Variants in ARHGEF10 observed in about 807,000 individuals in gnomAD.
The protein encoded by ARHGEF10 is Rho guanine nucleotide exchange factor 10.
In ARHGEF10, 140 loss-of-function variants were observed where a neutral mutation model predicts 147.4. The ratio of observed to expected loss-of-function variants is 0.95; its 90% confidence interval spans 0.83 to 1.09. ARHGEF10 has a LOEUF of 1.09. Among genes scored for constraint, ARHGEF10 ranks in the 50% least tolerant of loss-of-function variants. The pLI, the probability that ARHGEF10 is intolerant of heterozygous loss-of-function variation, is 0.00. For missense variants in ARHGEF10, 2,222 were observed against 1,752.7 expected, an observed-to-expected ratio of 1.27 and a Z score of -4.78; for synonymous variants, 902 against 695.8, an observed-to-expected ratio of 1.30 and a Z score of -4.67.
At chr8:1,875,381 C>T (rs1001777949) in intron 7 of ARHGEF10, among the ~76,000 whole-genome samples, 23 of 152,186 alleles carry the variant, frequency 1.5e-4, no homozygotes, top group African/African-American at 4.3e-4. Flanking sequence ...CTCTTGGGCA[C>T]GTGGGTAGGC....
chr8:1,866,452 C>A (rs36013833), intron 5 of ARHGEF10, 74 bp from the exon 6 acceptor site: 2 of 1,227,626 alleles, frequency 1.6e-6, no homozygotes, highest in Non-Finnish European at 1.2e-6. Context: ...CACACACACT[C>A]TGCAGGGCAG....
chr8:1,853,910 G>A (rs1304865371), intron 2 of ARHGEF10, among the ~76,000 whole-genome samples: 1 of 152,236 alleles, frequency 6.6e-6, no homozygotes, highest in African/African-American at 2.4e-5. Context: ...GGTTAGCCGA[G>A]CCTGCTCTAG....
At chr8:1,934,278 C>A (rs546348543) in intron 26 of ARHGEF10, among the ~76,000 whole-genome samples, 1 of 145,038 alleles carries the variant, frequency 6.9e-6, no homozygotes, top group African/African-American at 2.6e-5. Context: ...CACTTGAGCC[C>A]AGGAGGTCCA....
At chr8:1,914,453 G>T (rs1458547127) in intron 18 of ARHGEF10, among the ~76,000 whole-genome samples, 3 of 152,236 alleles carry the variant, frequency 2.0e-5, no homozygotes, top group African/African-American at 7.2e-5. Flanking sequence ...GGCCTCGCCT[G>T]TAGGCAGGGA....
chr8:1,889,290 T>A (rs1342510025), intron 11 of ARHGEF10, among the ~76,000 whole-genome samples: 1 of 83,868 alleles, frequency 1.2e-5, no homozygotes, highest in Non-Finnish European at 2.2e-5. Flanking sequence ...TGAGGGTTTG[T>A]GAGGAGATAC....
At chr8:1,828,406 CT>C (rs1563142826) in intron 1 of ARHGEF10, among the ~76,000 whole-genome samples, 23 of 151,934 alleles carry the variant, frequency 1.5e-4, no homozygotes, top group African/African-American at 5.3e-4. Flanking sequence ...TGCACACTTA[CT>C]GTTTTAAGGA....
At chr8:1,840,287 C>T (rs1282738391) in intron 1 of ARHGEF10, among the ~76,000 whole-genome samples, 2 of 115,422 alleles carry the variant, frequency 1.7e-5, no homozygotes, top group African/African-American at 7.3e-5. Flanking sequence ...GGGGACTGTC[C>T]TGTGTGGAAG....
chr8:1,845,294 C>A (rs906688336), intron 2 of ARHGEF10, among the ~76,000 whole-genome samples: 2 of 116,942 alleles, frequency 1.7e-5, no homozygotes, highest in African/African-American at 3.8e-5. Flanking sequence ...CCTCCAGGGG[C>A]CCCCTCCCGC....
chr8:1,930,954 G>C (rs1813091669), intron 25 of ARHGEF10, among the ~76,000 whole-genome samples: 1 of 152,220 alleles, frequency 6.6e-6, no homozygotes, highest in Admixed American at 6.5e-5. Context: ...CTCTCATCCG[G>C]TGGGTGCCCC....
chr8:1,883,131 T>A (rs1049184209), intron 10 of ARHGEF10, among the ~76,000 whole-genome samples: 1 of 152,170 alleles, frequency 6.6e-6, no homozygotes. Context: ...AACTGGCATT[T>A]CAGGAATCTT....
At chr8:1,920,364 C>T (rs1812189093) in intron 18 of ARHGEF10, among the ~76,000 whole-genome samples, 1 of 152,084 alleles carries the variant, frequency 6.6e-6, no homozygotes, top group African/African-American at 2.4e-5. Flanking sequence ...GTTTGGATGC[C>T]CAGGCTGGAG....
intron 24 of ARHGEF10, 121 bp downstream of exon 24, chr8:1,928,771 G>C (rs911011818): frequency 9.5e-7 from 1 of 1,055,590 alleles, no homozygotes; most frequent in South Asian, 1.4e-5. Flanking sequence ...GCAGGAATTA[G>C]GGGATACCAG....
intron 7 of ARHGEF10, among the ~76,000 whole-genome samples, chr8:1,873,276 G>T (rs1807287776): frequency 6.6e-6 from 1 of 152,208 alleles, no homozygotes; most frequent in African/African-American, 2.4e-5. Context: ...GGAGGGCACC[G>T]TGCAGAAGTA....
chr8:1,908,785 T>C (rs1811119402), intron 17 of ARHGEF10, among the ~76,000 whole-genome samples: 1 of 130,012 alleles, frequency 7.7e-6, no homozygotes, highest in Non-Finnish European at 1.7e-5. Flanking sequence ...TCTGTATAAG[T>C]CATAGGGTTT....
chr8:1,867,426 C>T (rs1365008585), intron 6 of ARHGEF10, among the ~76,000 whole-genome samples: 1 of 152,176 alleles, frequency 6.6e-6, no homozygotes, highest in African/African-American at 2.4e-5. Context: ...TAATCTCACT[C>T]CTTGAAATGA....
In ARHGEF10 at chr8:1,869,396, G is replaced by A. The variant is rs977007885; in HGVS notation, c.679+146G>A. 18 of 750,450 alleles carry A rather than the reference G, an allele frequency of 2.4e-5. 1 individual carries two copies. Among genetic ancestry groups the A allele is most frequent in the Admixed American group, 9.9e-5 (5 of 50,298 alleles). 46.5% of individuals were successfully genotyped at this position (750,450 alleles called of 1,614,324 possible). On this transcript the variant is annotated intron_variant, in intron 7 of 28. Transcript: ENST00000349830. The stretch of plus-strand genomic sequence containing the variant: ...CTTCTAGAATGGCTTATTGATGTGT[G>A]GTGGAATATTGGTGTTTGTGCACAT...
Position 1,957,174 on chromosome 8 carries a change from C to T in ARHGEF10, c.3946C>T (p.Arg1316Cys), listed in dbSNP as rs756018244. Reference sequence around the variant, plus strand: ...GGTGGTCTGTGGAGGGCAGGGCCACCGCCGGGTGCACAGGAAGGCCCGGCA... The same window carrying T: ...GGTGGTCTGTGGAGGGCAGGGCCACTGCCGGGTGCACAGGAAGGCCCGGCA... Reference protein sequence around the residue: ...ALVVCGGQGHRRVHRKARQPH... With the variant: ...ALVVCGGQGHCRVHRKARQPH... The change falls in exon 29 of 29, where the codon CGC becomes TGC. Residue 1316 changes from arginine (R) to cysteine (C), a missense_variant. By Grantham distance (180) the Arg-to-Cys change is radical (BLOSUM62 -3). Coordinates refer to ENST00000349830, the MANE Select transcript of ARHGEF10 (RefSeq NM_014629.4). The T allele has an allele frequency of 1.5e-5, 24 of 1,612,442 alleles. No individual in the cohort carries two copies. The Admixed American group carries it at 2.2e-4, about 15-fold the overall frequency.
chr8:1,940,102 C>G (rs777236593), intron 26 of ARHGEF10, among the ~76,000 whole-genome samples: 2 of 152,166 alleles, frequency 1.3e-5, no homozygotes, highest in Non-Finnish European at 2.9e-5. Flanking sequence ...TTTAAATCAT[C>G]TTTCCAGAAG....
intron 17 of ARHGEF10, among the ~76,000 whole-genome samples, chr8:1,908,166 A>G (rs899984508): frequency 6.6e-6 from 1 of 151,202 alleles, no homozygotes; most frequent in African/African-American, 2.4e-5. Context: ...GCTCCCAGCC[A>G]GTCAGGTGCT....
Sources: allele counts gnomAD v4.1 joint callset (sites outside exome capture counted in the v4.1 genomes callset), GRCh38; gene constraint gnomAD v4.1.1; transcripts MANE v1.5; gene names NCBI Gene and HGNC (gene_info 2026-07-23, HGNC 2026-07-21).